Variants in STARD13 observed in about 807,000 individuals in gnomAD.
STARD13 encodes the protein StAR related lipid transfer domain containing 13, also known as stAR-related lipid transfer protein 13.
In STARD13, 62 loss-of-function variants were observed where a neutral mutation model predicts 106.4. The observed-to-expected ratio is 0.58, with a 90% CI of 0.48 to 0.72. STARD13 has a LOEUF of 0.72. STARD13 is among the 30% of genes least tolerant of loss of function. The pLI is 0.00. For synonymous variants in STARD13, 565 were observed against 553.0 expected (o/e 1.02, Z -0.31); for missense variants, 1,387 against 1,424.0 (o/e 0.97, Z 0.42).
At chr13:33,528,035 T>G in the STARD13 span, among the ~76,000 whole-genome samples, 484 of 151,072 alleles carry the variant, frequency 3.2e-3, 3 homozygotes, top group African/African-American at 0.011. Flanking sequence ...GAAAGTTGTC[T>G]TTGACATTTA....
the STARD13 span, among the ~76,000 whole-genome samples, chr13:33,610,063 T>C: frequency 8.7e-6 from 1 of 115,332 alleles, no homozygotes; most frequent in Non-Finnish European, 1.7e-5. Context: ...TAGATTTACA[T>C]TGATATTCAC....
chr13:33,215,313 A>G (rs1395339442), intron 1 of STARD13, among the ~76,000 whole-genome samples: 1 of 152,170 alleles, frequency 6.6e-6, no homozygotes, highest in Non-Finnish European at 1.5e-5. Context: ...AGCCGGTCTT[A>G]ACCCTCAAAG....
chr13:33,552,338 C>T, the STARD13 span, among the ~76,000 whole-genome samples: 1 of 152,188 alleles, frequency 6.6e-6, no homozygotes, highest in East Asian at 1.9e-4. Context: ...AATAGACATT[C>T]CTCACAAGCA....
chr13:33,138,719 C>T, intron 4 of STARD13: 2 of 354,984 alleles, frequency 5.6e-6, no homozygotes. Flanking sequence ...GGCAGAAGTG[C>T]TGGTGTCCTG....
chr13:33,470,250 A>G, the STARD13 span, among the ~76,000 whole-genome samples: 1 of 152,230 alleles, frequency 6.6e-6, no homozygotes, highest in African/African-American at 2.4e-5. Context: ...ATGGCTGCAT[A>G]GTATTCCGCG....
At position 33,291,392 on chromosome 13, in the gene STARD13, C is replaced by G. The variant is rs145371703; in HGVS notation, c.124+58898G>C. 2.0e-3 allele frequency among the ~76,000 whole-genome samples: 303 copies of G among 152,272 alleles called. 2 individuals are homozygous for G. Among genetic ancestry groups the G allele is most frequent in the African/African-American group, 7.0e-3 (292 of 41,538 alleles). On this transcript the variant is annotated intron_variant, in intron 1 of 5. Coordinates refer to the STARD13 transcript ENST00000567873. ...CTGACTGCTCTCTTTTGGATCTGCTCCAGTCTGTCAGTATCCCTTTAAAAA... is the reference window on the plus strand; with the variant it reads ...CTGACTGCTCTCTTTTGGATCTGCTGCAGTCTGTCAGTATCCCTTTAAAAA...
At chr13:33,563,408 AC>A in the STARD13 span, among the ~76,000 whole-genome samples, 6 of 146,778 alleles carry the variant, frequency 4.1e-5, 1 homozygote, top group Non-Finnish European at 9.0e-5. Context: ...AGAATAGAGG[AC>A]CCAGATATAA....
chr13:33,128,848 T>C, intron 5 of STARD13, 81 bp downstream of exon 5: 7 of 1,405,120 alleles, frequency 5.0e-6, no homozygotes, highest in Non-Finnish European at 6.8e-6. Flanking sequence ...AAGTACTCTG[T>C]GTATGTTTGT....
chr13:33,385,048 T>TAC, the STARD13 span, among the ~76,000 whole-genome samples: 1 of 150,346 alleles, frequency 6.7e-6, no homozygotes, highest in Non-Finnish European at 1.5e-5. Context: ...TATATATATA[T>TAC]ACACATGCAT....
chr13:33,615,141 G>A, the STARD13 span, among the ~76,000 whole-genome samples: 23 of 152,324 alleles, frequency 1.5e-4, no homozygotes, highest in African/African-American at 5.3e-4. Flanking sequence ...ATGAATTTAA[G>A]TGGGATGTCA....
chr13:33,383,754 C>CAAAAAAAAAAAA, the STARD13 span: 1 of 27,776 alleles, frequency 3.6e-5, no homozygotes, highest in African/African-American at 1.2e-4. Flanking sequence ...GAGACTGTCT[C>CAAAAAAAAAAAA]AAAAAAAAAA....
chr13:33,452,820 T>C, the STARD13 span, among the ~76,000 whole-genome samples: 1 of 152,186 alleles, frequency 6.6e-6, no homozygotes, highest in Non-Finnish European at 1.5e-5. Context: ...AACAAATGAG[T>C]AACCTGGAAC....
chr13:33,271,217 T>A (rs1891142751), intron 1 of STARD13, among the ~76,000 whole-genome samples: 1 of 152,100 alleles, frequency 6.6e-6, no homozygotes, highest in Non-Finnish European at 1.5e-5. Flanking sequence ...AAGAAAAAAA[T>A]CTCCACCCAA....
At chr13:33,545,124 AT>A in the STARD13 span, among the ~76,000 whole-genome samples, 1 of 151,772 alleles carries the variant, frequency 6.6e-6, no homozygotes, top group East Asian at 1.9e-4. Flanking sequence ...CCTGGCTAAA[AT>A]TTTGTATTTT....
At chr13:33,648,783 C>CTTTTT in the STARD13 span, among the ~76,000 whole-genome samples, 506 of 76,952 alleles carry the variant, frequency 6.6e-3, no homozygotes, top group African/African-American at 9.1e-3. Flanking sequence ...TTTTCTCTTT[C>CTTTTT]TTTTTTTTTT....
At chr13:33,328,964 G>A (rs567066177) in intron 1 of STARD13, among the ~76,000 whole-genome samples, 1 of 152,238 alleles carries the variant, frequency 6.6e-6, no homozygotes, top group Non-Finnish European at 1.5e-5. Flanking sequence ...AGCTATCTGA[G>A]GATTCCAGAG....
chr13:33,110,462 G>C (rs890012427), intron 11 of STARD13, among the ~76,000 whole-genome samples: 10 of 152,086 alleles, frequency 6.6e-5, no homozygotes, highest in Non-Finnish European at 1.5e-4. Context: ...ACACAGCTAC[G>C]GGGGAGAGAC....
At chr13:33,322,190 C>T (rs1015605277) in intron 1 of STARD13, among the ~76,000 whole-genome samples, 1 of 152,214 alleles carries the variant, frequency 6.6e-6, no homozygotes, top group African/African-American at 2.4e-5. Flanking sequence ...TACTCACCCT[C>T]GTATCTAATA....
the STARD13 span, among the ~76,000 whole-genome samples, chr13:33,430,073 A>G: frequency 2.0e-5 from 3 of 152,028 alleles, no homozygotes; most frequent in African/African-American, 7.2e-5. Context: ...GCCCGCCACC[A>G]CGCCTGGCTA....
Sources: allele counts gnomAD v4.1 joint callset (sites outside exome capture counted in the v4.1 genomes callset), GRCh38; gene constraint gnomAD v4.1.1; transcripts MANE v1.5; gene names NCBI Gene and HGNC (gene_info 2026-07-23, HGNC 2026-07-21).